PATJ: variants seen among roughly 807,000 people sequenced by gnomAD.
The protein encoded by PATJ is inaD-like protein.
Under a neutral mutation model 224.9 loss-of-function variants are expected in PATJ, and 190 were observed. That is an observed-to-expected ratio of 0.84 (90% CI 0.75 to 0.95). The LOEUF (loss-of-function observed/expected upper bound fraction) is 0.95, where lower values mean the gene tolerates loss of function less well. PATJ is among the 40% of genes least tolerant of loss of function. The probability of loss-of-function intolerance (pLI) is 0.00; values close to 1 mark genes in which losing one functional copy is unlikely to be tolerated. For synonymous variants in PATJ, 769 were observed against 820.3 expected (o/e 0.94, Z 1.07); for missense variants, 2,121 against 2,270.3 (o/e 0.93, Z 1.34).
chr1:61,943,748 C>G (rs1237465221), intron 27 of PATJ, among the ~76,000 whole-genome samples: 1 of 152,150 alleles, frequency 6.6e-6, no homozygotes. Context: ...GGTTCTCCCA[C>G]CACAGAGTTT....
chr1:61,778,066 G>T (rs1647036195), intron 7 of PATJ, among the ~76,000 whole-genome samples: 1 of 151,964 alleles, frequency 6.6e-6, no homozygotes. Flanking sequence ...TTTTTGTAGA[G>T]GTGGGGTTTC....
At chr1:62,066,937 G>T (rs1016633342) in intron 31 of PATJ, among the ~76,000 whole-genome samples, 1 of 152,104 alleles carries the variant, frequency 6.6e-6, no homozygotes, top group South Asian at 2.1e-4. Context: ...ACAAGTCCAC[G>T]TGGGGTCAGT....
chr1:62,123,647 T>C (rs1665366000), intron 39 of PATJ, among the ~76,000 whole-genome samples: 1 of 150,786 alleles, frequency 6.6e-6, no homozygotes, highest in Non-Finnish European at 1.5e-5. Flanking sequence ...CCAGCTAATT[T>C]TTTGTATTTT....
At chr1:61,862,394 G>C (rs149018876) in intron 19 of PATJ, among the ~76,000 whole-genome samples, 2,664 of 150,580 alleles carry the variant, frequency 0.018, 92 homozygotes, top group African/African-American at 0.062. Flanking sequence ...ACAGGGTTTC[G>C]CCACGTTGGC....
intron 41 of PATJ, among the ~76,000 whole-genome samples, chr1:62,141,122 C>T (rs896326430): frequency 6.6e-6 from 1 of 152,042 alleles, no homozygotes; most frequent in Non-Finnish European, 1.5e-5. Flanking sequence ...CTTCTTGTCC[C>T]ACTGTCCCTC....
chr1:61,967,144 T>C (rs1682290274), intron 27 of PATJ, among the ~76,000 whole-genome samples: 1 of 152,216 alleles, frequency 6.6e-6, no homozygotes, highest in Non-Finnish European at 1.5e-5. Context: ...AATAGAATTC[T>C]ATTGCAGAGT....
At chr1:61,818,127 C>T (rs759070244) in intron 14 of PATJ, among the ~76,000 whole-genome samples, 10 of 152,188 alleles carry the variant, frequency 6.6e-5, no homozygotes, top group African/African-American at 9.6e-5. Context: ...AAGGAATGGG[C>T]TGTAGTTTGT....
At chr1:61,812,431 A>AGTGTGTGTGTGTGT (rs1315887673) in intron 14 of PATJ, among the ~76,000 whole-genome samples, 9 of 109,038 alleles carry the variant, frequency 8.3e-5, no homozygotes, top group African/African-American at 2.8e-4. Context: ...AGAGAGAGAG[A>AGTGTGTGTGTGTGT]GAGTGTGTGT....
chr1:61,770,545 C>G (rs1300380831), intron 5 of PATJ, among the ~76,000 whole-genome samples: 1 of 152,116 alleles, frequency 6.6e-6, no homozygotes, highest in African/African-American at 2.4e-5. Flanking sequence ...GATAAGTGCT[C>G]AGTAAATACT....
intron 7 of PATJ, among the ~76,000 whole-genome samples, chr1:61,778,705 T>C (rs958280722): frequency 6.6e-6 from 1 of 151,038 alleles, no homozygotes; most frequent in Non-Finnish European, 1.5e-5. Flanking sequence ...CTAATATATA[T>C]ATATATAGAG....
chr1:62,027,612 A>C (rs1648246237), intron 29 of PATJ, among the ~76,000 whole-genome samples: 1 of 146,970 alleles, frequency 6.8e-6, no homozygotes, highest in Admixed American at 6.8e-5. Context: ...ATTTCTTCAT[A>C]ACCTTGCCAA....
intron 4 of PATJ, among the ~76,000 whole-genome samples, 178 bp from the exon 5 acceptor site, chr1:61,769,105 T>C (rs1036795951): frequency 6.6e-6 from 1 of 152,298 alleles, no homozygotes; most frequent in East Asian, 1.9e-4. Context: ...CACTCTCTCT[T>C]ACGTTCTACT....
chr1:61,752,416 C>T (rs1315022583), intron 1 of PATJ, among the ~76,000 whole-genome samples: 3 of 149,124 alleles, frequency 2.0e-5, no homozygotes, highest in Non-Finnish European at 4.4e-5. Flanking sequence ...CAGGTTCAAG[C>T]GATTCTTCTG....
intron 26 of PATJ, among the ~76,000 whole-genome samples, chr1:61,926,342 A>C (rs766813028): frequency 6.6e-6 from 1 of 152,214 alleles, no homozygotes; most frequent in Non-Finnish European, 1.5e-5. Context: ...CTTTTTCAAG[A>C]ATATCAGTAG....
intron 42 of PATJ, among the ~76,000 whole-genome samples, chr1:62,152,771 C>A (rs1191241008): frequency 1.3e-5 from 2 of 152,186 alleles, no homozygotes; most frequent in African/African-American, 4.8e-5. Context: ...CTAGGAGACA[C>A]GCTACCTCTG....
intron 27 of PATJ, among the ~76,000 whole-genome samples, chr1:61,982,026 GACACCTGTCACATACACATCT>G (rs1644478661): frequency 6.6e-6 from 1 of 151,966 alleles, no homozygotes; most frequent in South Asian, 2.1e-4. Context: ...TATAGGGCAG[GACACCTGTCACATACACATCT>G]GCAGGGGAGA....
At chr1:62,038,834 T>G (rs573590558) in intron 30 of PATJ, 3 of 697,466 alleles carry the variant, frequency 4.3e-6, no homozygotes, top group South Asian at 4.2e-5. Flanking sequence ...GGGTGGACGG[T>G]GGGTGGGATG....
At chr1:61,789,120 C>G (rs972152687) in intron 8 of PATJ, among the ~76,000 whole-genome samples, 1 of 151,890 alleles carries the variant, frequency 6.6e-6, no homozygotes, top group African/African-American at 2.4e-5. Context: ...ACCAGCCTGG[C>G]CAAGATGGCA....
intron 23 of PATJ, 138 bp from the exon 24 acceptor site, chr1:61,901,144 T>G: frequency 2.3e-6 from 1 of 438,978 alleles, no homozygotes; most frequent in Non-Finnish European, 3.9e-6. Context: ...CTAGGTATAA[T>G]TTGTATAACA....
Sources: gnomAD v4.1 joint callset for allele counts (sites outside exome capture counted in the v4.1 genomes callset) on GRCh38, gnomAD v4.1.1 for gene constraint, MANE v1.5 for transcripts, NCBI Gene and HGNC (gene_info 2026-07-23, HGNC 2026-07-21) for gene names.